TRIM44: variants seen among roughly 807,000 people sequenced by gnomAD.
The protein encoded by TRIM44 is tripartite motif-containing protein 44.
In TRIM44, 13 loss-of-function variants were observed where a neutral mutation model predicts 37.4. The observed-to-expected ratio is 0.35, with a 90% CI of 0.23 to 0.55. The LOEUF (loss-of-function observed/expected upper bound fraction) is 0.55. TRIM44 is among the 20% of genes least tolerant of loss of function. TRIM44 has a pLI of 0.89. For missense variants in TRIM44, 426 were observed against 437.2 expected (o/e 0.97, Z 0.23); for synonymous variants, 175 against 157.2 (o/e 1.11, Z -0.85).
intron 4 of TRIM44, among the ~76,000 whole-genome samples, chr11:35,739,272 A>G (rs1172443656): frequency 1.2e-4 from 18 of 152,236 alleles, no homozygotes; most frequent in Admixed American, 1.1e-3. Flanking sequence ...CACTTGTCAA[A>G]TGAAGAAATT....
intron 4 of TRIM44, among the ~76,000 whole-genome samples, chr11:35,778,725 T>A (rs1470395578): frequency 4.6e-5 from 7 of 152,168 alleles, no homozygotes; most frequent in Admixed American, 1.3e-4. Flanking sequence ...TTGCTGGAGG[T>A]CCACTCCAGT....
intron 4 of TRIM44, among the ~76,000 whole-genome samples, chr11:35,752,576 G>T (rs1158287857): frequency 6.6e-6 from 1 of 151,522 alleles, no homozygotes; most frequent in African/African-American, 2.4e-5. Context: ...AGTCTCTTTT[G>T]CTCCTTACTC....
chr11:35,672,004 C>T (rs1367777051), intron 1 of TRIM44, among the ~76,000 whole-genome samples: 1 of 152,164 alleles, frequency 6.6e-6, no homozygotes, highest in Admixed American at 6.5e-5. Context: ...GAAAATGGGT[C>T]ACTGGATCTG....
chr11:35,662,992 G>A lies in TRIM44; in HGVS notation c.-120G>A. On this transcript the variant is annotated 5_prime_UTR_variant, in exon 1 of 5. Coordinates refer to ENST00000299413, the MANE Select transcript of TRIM44 (RefSeq NM_017583.6). ...AGGTCCCGCTTCGAGACGCGGCGCG[G>A]TCCAGGCGGGAGGCGACTCCCTAGG... 2 of 1,408,862 alleles carry A rather than the reference G, an allele frequency of 1.4e-6. No individual in the cohort carries two copies. The highest frequency in any genetic ancestry group is 1.8e-6 in the Non-Finnish European group (2 of 1,086,622). The allele number at this position is 1,408,862 out of a possible 1,614,324, so 87.3% of individuals were successfully genotyped here.
At chr11:35,695,601 T>G (rs1350422869) in intron 2 of TRIM44, among the ~76,000 whole-genome samples, 2 of 152,190 alleles carry the variant, frequency 1.3e-5, no homozygotes, top group Admixed American at 1.3e-4. Flanking sequence ...CATCCTTTCC[T>G]GAACCTCCTA....
intron 4 of TRIM44, among the ~76,000 whole-genome samples, chr11:35,803,292 A>T (rs1463300410): frequency 6.6e-6 from 1 of 151,974 alleles, no homozygotes; most frequent in Non-Finnish European, 1.5e-5. Context: ...AAAAAAAATG[A>T]AACAGCCATT....
chr11:35,731,001 T>A (rs978235760), intron 3 of TRIM44, among the ~76,000 whole-genome samples: 1 of 152,134 alleles, frequency 6.6e-6, no homozygotes, highest in Non-Finnish European at 1.5e-5. Context: ...ATAGATTCTT[T>A]AGGATTTTCT....
At chr11:35,749,463 T>C (rs1422872974) in intron 4 of TRIM44, among the ~76,000 whole-genome samples, 2 of 152,154 alleles carry the variant, frequency 1.3e-5, no homozygotes, top group African/African-American at 4.8e-5. Flanking sequence ...GGCAGGTGAA[T>C]TGATTGAGGC....
At chr11:35,673,352 T>C (rs1851421969) in intron 1 of TRIM44, among the ~76,000 whole-genome samples, 2 of 152,212 alleles carry the variant, frequency 1.3e-5, no homozygotes, top group South Asian at 4.1e-4. Context: ...TAGAGTCCAG[T>C]GATTTTATTC....
rs571871807 is a variant in TRIM44, at chr11:35,693,176, A to G, written c.747+7840A>G. ...GACTCAGCGATTGTAACAGGCACAT[A>G]CTCCTAAGTTAGGTTTTCAATCTTG... On this transcript the variant is annotated intron_variant, in intron 2 of 4. Transcript: ENST00000299413. Among the ~76,000 whole-genome samples the G allele has an allele frequency of 3.9e-5, 6 of 151,964 alleles. 1 individual carries two copies. Among genetic ancestry groups the G allele is most frequent in the Admixed American group, 1.3e-4 (2 of 15,242 alleles).
intron 1 of TRIM44, among the ~76,000 whole-genome samples, chr11:35,667,711 C>T (rs1851347965): frequency 6.6e-6 from 1 of 152,090 alleles, no homozygotes; most frequent in African/African-American, 2.4e-5. Flanking sequence ...GTGTGTGTTT[C>T]TGCAAATATA....
chr11:35,714,854 A>G (rs1324983174), intron 2 of TRIM44, among the ~76,000 whole-genome samples: 2 of 152,186 alleles, frequency 1.3e-5, no homozygotes, highest in African/African-American at 4.8e-5. Context: ...GTGTTAAGAA[A>G]GCAGGAAAAC....
intron 4 of TRIM44, among the ~76,000 whole-genome samples, chr11:35,770,992 A>AGCG (rs1852861964): frequency 6.6e-6 from 1 of 152,170 alleles, no homozygotes; most frequent in African/African-American, 2.4e-5. Context: ...CTTTATCAGC[A>AGCG]GCGTGAAAAT....
chr11:35,792,700 G>A (rs1025388869), intron 4 of TRIM44, among the ~76,000 whole-genome samples: 3 of 152,154 alleles, frequency 2.0e-5, no homozygotes, highest in Non-Finnish European at 2.9e-5. Context: ...TAGTGAATGA[G>A]AAACAAATGC....
chr11:35,718,281 G>C (rs1852061847), intron 2 of TRIM44, among the ~76,000 whole-genome samples: 1 of 152,044 alleles, frequency 6.6e-6, no homozygotes, highest in African/African-American at 2.4e-5. Flanking sequence ...CCATTTGATG[G>C]TCACCCCACC....
At chr11:35,788,673 G>A (rs138805500) in intron 4 of TRIM44, among the ~76,000 whole-genome samples, 1 of 152,270 alleles carries the variant, frequency 6.6e-6, no homozygotes, top group East Asian at 1.9e-4. Context: ...GGTTCTCAGC[G>A]TTGGTTGCTG....
At chr11:35,707,456 G>A (rs1056204428) in intron 2 of TRIM44, among the ~76,000 whole-genome samples, 2 of 152,178 alleles carry the variant, frequency 1.3e-5, no homozygotes, top group Non-Finnish European at 2.9e-5. Context: ...GCATCACCAA[G>A]TCAATTGTAA....
At chr11:35,711,062 C>T (rs1186772030) in intron 2 of TRIM44, among the ~76,000 whole-genome samples, 1 of 152,088 alleles carries the variant, frequency 6.6e-6, no homozygotes, top group Non-Finnish European at 1.5e-5. Flanking sequence ...GGGGTGACTG[C>T]TAATAGCAAT....
chr11:35,745,650 C>G (rs1288389933), intron 4 of TRIM44, among the ~76,000 whole-genome samples: 4 of 152,136 alleles, frequency 2.6e-5, no homozygotes, highest in Non-Finnish European at 4.4e-5. Flanking sequence ...ATTATTTACC[C>G]CATTATTCCA....
Sources: gnomAD v4.1 joint callset for allele counts (sites outside exome capture counted in the v4.1 genomes callset) on GRCh38, gnomAD v4.1.1 for gene constraint, MANE v1.5 for transcripts, NCBI Gene and HGNC (gene_info 2026-07-23, HGNC 2026-07-21) for gene names.